EVC2: variants seen among roughly 807,000 people sequenced by gnomAD.
EVC2 encodes EvC ciliary complex subunit 2.
A neutral mutation model predicts 149.3 loss-of-function variants in EVC2; 148 were observed. The observed-to-expected ratio is 0.99, with a 90% CI of 0.87 to 1.14. The LOEUF (loss-of-function observed/expected upper bound fraction) is 1.14, where lower values mean the gene tolerates loss of function less well. Ranked by LOEUF, EVC2 falls within the 50% of genes most tolerant of loss-of-function variation. The probability of loss-of-function intolerance (pLI) is 0.00; values close to 1 mark genes in which losing one functional copy is unlikely to be tolerated. For synonymous variants in EVC2, 776 were observed against 649.9 expected (o/e 1.19, Z -2.95); for missense variants, 1,854 against 1,627.3 (o/e 1.14, Z -2.40).
At chr4:5,553,640 T>C (rs533343571) in intron 21 of EVC2, among the ~76,000 whole-genome samples, 16 of 152,320 alleles carry the variant, frequency 1.1e-4, no homozygotes, top group Middle Eastern at 3.4e-3. Context: ...AAAAATTAGA[T>C]TATAGTTATG....
At position 5,607,910 on chromosome 4, in the gene EVC2, G is replaced by T. The variant is rs1714521609; in HGVS notation, c.2829+7512C>A. ...CAGGGATGGGGGAGAACAGAGAAGGGCAAGGAGAAGACAGAAAATGAGAGA... is the reference window on the plus strand; with the variant it reads ...CAGGGATGGGGGAGAACAGAGAAGGTCAAGGAGAAGACAGAAAATGAGAGA... On this transcript the variant is annotated intron_variant, in intron 16 of 21. Transcript: ENST00000344408. Among the ~76,000 whole-genome samples the T allele has an allele frequency of 4.6e-5, 7 of 152,014 alleles. No individual in the cohort carries two copies. The South Asian group carries it at 1.5e-3, about 32-fold the overall frequency.
At chr4:5,698,384 C>G (rs114855354) in intron 1 of EVC2, among the ~76,000 whole-genome samples, 1 of 152,100 alleles carries the variant, frequency 6.6e-6, no homozygotes, top group African/African-American at 2.4e-5. Flanking sequence ...CTAGCTGGAA[C>G]CATTTATTCA....
Position 5,636,038 on chromosome 4 carries a change from G to A in EVC2, c.1471-4006C>T, listed in dbSNP as rs1012483782. On this transcript the variant is annotated intron_variant, in intron 10 of 21. Transcript: ENST00000344408. This position sits in a 1 kb window ranked among gnomAD's most constrained non-coding sequence, Gnocchi z 4.6. ...AACCCTTGTCCAAGGTTGACTCAGC[G>A]CCGAGCAATGGCTGAAGTACTATAC... is the stretch of plus-strand genomic sequence containing the variant. Among the ~76,000 whole-genome samples the A allele has an allele frequency of 2.0e-5, 3 of 152,280 alleles. No individual in the cohort carries two copies. Among genetic ancestry groups the A allele is most frequent in the South Asian group, 2.1e-4 (1 of 4,818 alleles).
At position 5,622,103 on chromosome 4, in the gene EVC2, G is replaced by C. The variant is rs1019700936; in HGVS notation, c.2501+434C>G. 6.6e-6 allele frequency among the ~76,000 whole-genome samples: 1 copy of C among 152,066 alleles called. No homozygotes were observed. Among genetic ancestry groups the C allele is most frequent in the South Asian group, 2.1e-4 (1 of 4,812 alleles). ...ATGCCTGGTGAAACTAGCAGGGCCT[G>C]GAATGGCCTAACCGCAAGCTCCCCT... On this transcript the variant is annotated intron_variant, in intron 14 of 21. Coordinates refer to ENST00000344408, the MANE Select transcript of EVC2 (RefSeq NM_147127.5). The surrounding 1 kb of genome is among the most constrained non-coding windows in gnomAD (Gnocchi z 5.8).
chr4:5,692,199 G>A (rs946522198), intron 3 of EVC2, among the ~76,000 whole-genome samples: 18 of 152,082 alleles, frequency 1.2e-4, no homozygotes, highest in African/African-American at 4.3e-4. Context: ...TATTTATTTT[G>A]TTTATTTTTG....
the EVC2 span, among the ~76,000 whole-genome samples, chr4:5,534,704 T>C: frequency 6.6e-6 from 1 of 151,924 alleles, no homozygotes; most frequent in Non-Finnish European, 1.5e-5. Context: ...TGCAATTGCG[T>C]TGAGTGATGG....
Position 5,677,054 on chromosome 4 carries a change from C to T in EVC2, c.870+4206G>A, listed in dbSNP as rs1419508145. Among the ~76,000 whole-genome samples the T allele has an allele frequency of 6.6e-6, 1 of 152,296 alleles. No homozygotes were observed. The highest frequency in any genetic ancestry group is 2.4e-5 in the African/African-American group (1 of 41,574). On this transcript the variant is annotated intron_variant, in intron 7 of 21. Coordinates refer to ENST00000344408, the MANE Select transcript of EVC2 (RefSeq NM_147127.5). The surrounding 1 kb of genome is among the most constrained non-coding windows in gnomAD (Gnocchi z 4.3). ...ACTGTCAGCATCACAGAACACTTGG[C>T]ACAGCTGTGCTGTTCTCATGTGTAA...
At position 5,677,602 on chromosome 4, in the gene EVC2, T is replaced by A. The variant is rs1045749655; in HGVS notation, c.870+3658A>T. 2.6e-5 allele frequency among the ~76,000 whole-genome samples: 4 copies of A among 152,216 alleles called. No homozygotes were observed. Among genetic ancestry groups the A allele is most frequent in the Non-Finnish European group, 2.9e-5 (2 of 68,034 alleles). ...GCTCAATTCCATCCATAAGTGAGCC[T>A]GCGGCATCGGGGAAGAGCTCAGAAA... On this transcript the variant is annotated intron_variant, in intron 7 of 21. Coordinates refer to ENST00000344408, the MANE Select transcript of EVC2 (RefSeq NM_147127.5). This position sits in a 1 kb window ranked among gnomAD's most constrained non-coding sequence, Gnocchi z 4.3.
rs1377917222 is a variant in EVC2 at position 5,622,165 on chromosome 4, G to A, written c.2501+372C>T. On this transcript the variant is annotated intron_variant, in intron 14 of 21. Coordinates refer to ENST00000344408, the MANE Select transcript of EVC2 (RefSeq NM_147127.5). This position sits in a 1 kb window ranked among gnomAD's most constrained non-coding sequence, Gnocchi z 5.8. The stretch of plus-strand genomic sequence containing the variant: ...TCCTGTGGATCATGTCCCCTCCCCA[G>A]GGGACATTTCTTATTAGGGGAACCA... Among the ~76,000 whole-genome samples, 2 of 152,004 alleles carry A rather than the reference G, an allele frequency of 1.3e-5. No individual in the cohort carries two copies. The highest frequency in any genetic ancestry group is 6.6e-5 in the Admixed American group (1 of 15,266).
At position 5,640,324 on chromosome 4, in the gene EVC2, T is replaced by C. The variant is rs1442811755; in HGVS notation, c.1470+190A>G. On this transcript the variant is annotated intron_variant, in intron 10 of 21. Transcript: ENST00000344408. The surrounding 1 kb of genome is among the most constrained non-coding windows in gnomAD (Gnocchi z 4.6). ...ATGGGTAGATGGGTGGATGGACAGA[T>C]GATGATGGATGGACGGTGGGAATGG... 2.0e-5 allele frequency among the ~76,000 whole-genome samples: 3 copies of C among 151,706 alleles called. No individual in the cohort carries two copies. Among genetic ancestry groups the C allele is most frequent in the Non-Finnish European group, 4.4e-5 (3 of 67,932 alleles).
intron 5 of EVC2, among the ~76,000 whole-genome samples, chr4:5,687,798 G>A (rs1370788075): frequency 6.6e-6 from 1 of 152,154 alleles, no homozygotes; most frequent in African/African-American, 2.4e-5. Context: ...TGAGAGACGT[G>A]CAGGACCACG....
At position 5,640,536 on chromosome 4, in the gene EVC2, A is replaced by C; in HGVS notation, c.1448T>G (p.Leu483Trp). The C allele has an allele frequency of 6.2e-7, 1 of 1,614,136 alleles. No individual in the cohort carries two copies. Among genetic ancestry groups the C allele is most frequent in the Non-Finnish European group, 8.5e-7 (1 of 1,180,028 alleles). Residue 483 changes from leucine (L) to tryptophan (W), a missense_variant, in exon 10 of 22, where the codon TTG becomes TGG. By Grantham distance (61) the Leu-to-Trp change is moderately conservative (BLOSUM62 -2). Coordinates refer to ENST00000344408, the MANE Select transcript of EVC2 (RefSeq NM_147127.5). This position sits in a 1 kb window ranked among gnomAD's most constrained non-coding sequence, Gnocchi z 4.6. ...EMMAMEEAEE[L>W]LKRAGERSAV... ...TACCCTCTCACCAGCACGTTTCAGCAACTCTTCTGCTTCCTCCATTGCCAT... is the reference window on the plus strand; with the variant it reads ...TACCCTCTCACCAGCACGTTTCAGCCACTCTTCTGCTTCCTCCATTGCCAT...
intron 1 of EVC2, among the ~76,000 whole-genome samples, chr4:5,702,550 G>C (rs1288939535): frequency 6.6e-6 from 1 of 152,172 alleles, no homozygotes; most frequent in Admixed American, 6.5e-5. Flanking sequence ...GATGAAAATG[G>C]TCTAGAATCT....
chr4:5,681,447 T>C, intron 6 of EVC2, 134 bp from the exon 7 acceptor site: 1 of 887,258 alleles, frequency 1.1e-6, no homozygotes. Flanking sequence ...TCAGAGCTTG[T>C]GAAGGTCTCA....
intron 6 of EVC2, among the ~76,000 whole-genome samples, chr4:5,684,226 G>A (rs572900431): frequency 1.2e-3 from 184 of 152,230 alleles, no homozygotes; most frequent in African/African-American, 4.3e-3. Context: ...GTCCTTCCCA[G>A]TAGTTTTATG....
chr4:5,562,934 G>C lies in EVC2; in HGVS notation c.3841C>G (p.Pro1281Ala), dbSNP rs765051130. ...KLFIFRNPKE[P>A]EISLHVPPRK... is the part of the protein sequence containing the mutation. ...GGAGGAACGTGCAGTGAGATCTCTG[G>C]CTCCTTTGGATTTCTGAATATAAAG... is the stretch of plus-strand genomic sequence containing the variant. Residue 1281 changes from proline to alanine, a missense_variant, in exon 22 of 22, where the codon CCA becomes GCA. Coordinates refer to ENST00000344408, the MANE Select transcript of EVC2 (RefSeq NM_147127.5). The surrounding 1 kb of genome is among the most constrained non-coding windows in gnomAD (Gnocchi z 4.3). The C allele has an allele frequency of 1.5e-5, 25 of 1,613,938 alleles. No homozygotes were observed. The highest frequency in any genetic ancestry group is 1.9e-5 in the Non-Finnish European group (23 of 1,180,034).
At chr4:5,673,304 A>T (rs1719776712) in intron 7 of EVC2, among the ~76,000 whole-genome samples, 1 of 152,358 alleles carries the variant, frequency 6.6e-6, no homozygotes, top group African/African-American at 2.4e-5. Flanking sequence ...GAAGCCAGAC[A>T]CAGGAGGAGC....
chr4:5,706,395 TAGATAGATAG>T (rs1553854645), intron 1 of EVC2, among the ~76,000 whole-genome samples: 1,947 of 81,386 alleles, frequency 0.024, 358 homozygotes, highest in African/African-American at 0.031. Context: ...GATAGATACA[TAGATAGATAG>T]ATAGATACAT....
At chr4:5,548,247 G>A (rs960729157) in intron 21 of EVC2, among the ~76,000 whole-genome samples, 7 of 151,918 alleles carry the variant, frequency 4.6e-5, no homozygotes, top group African/African-American at 1.7e-4. Flanking sequence ...CTTGGGCAAA[G>A]GTGCCACCAG....
Sources: gnomAD v4.1 joint callset for allele counts (sites outside exome capture counted in the v4.1 genomes callset) on GRCh38, gnomAD v4.1.1 for gene constraint, Gnocchi (gnomAD v3.1) non-coding constraint, MANE v1.5 for transcripts, NCBI Gene and HGNC (gene_info 2026-07-23, HGNC 2026-07-21) for gene names.